Variants in SEMA4A observed in about 807,000 individuals in gnomAD.
SEMA4A encodes semaphorin 4A.
A neutral mutation model predicts 72.5 loss-of-function variants in SEMA4A; 52 were observed. The observed-to-expected ratio is 0.72, with a 90% CI of 0.57 to 0.90. The LOEUF is 0.90. Ranked by LOEUF, SEMA4A falls within the 40% of genes least tolerant of loss-of-function variation. The pLI is 0.00. For synonymous variants in SEMA4A, 369 were observed against 393.1 expected, an observed-to-expected ratio of 0.94 and a Z score of 0.73; for missense variants, 926 against 959.7, an observed-to-expected ratio of 0.96 and a Z score of 0.46.
At chr1:156,170,368 G>A (rs935009304) in intron 10 of SEMA4A, among the ~76,000 whole-genome samples, 1 of 148,224 alleles carries the variant, frequency 6.7e-6, no homozygotes, top group Admixed American at 6.8e-5. Context: ...GGAGGCTGAG[G>A]CAGGAGAATC....
At position 156,176,495 on chromosome 1, in the gene SEMA4A, C is replaced by T. The variant is rs1572432531; in HGVS notation, c.1784C>T (p.Pro595Leu). 3.7e-6 allele frequency: 6 copies of T among 1,614,162 alleles called. No homozygotes were observed. Among genetic ancestry groups the T allele is most frequent in the Non-Finnish European group, 5.1e-6 (6 of 1,180,036 alleles). ...GCCTCTTATTATTGGAGTCATGGCC[C>T]AGCAGCAGTCCCAGAAGCCTCTTCC... ...ALASYYWSHG[P>L]AAVPEASSTV... The change falls in exon 15 of 15, where the codon CCA (proline) becomes CTA (leucine). Residue 595 changes from proline (P) to leucine (L), a missense_variant. Transcript: ENST00000368285.
intron 10 of SEMA4A, 180 bp downstream of exon 10, chr1:156,163,274 A>C: frequency 1.5e-6 from 1 of 671,562 alleles, no homozygotes; most frequent in Non-Finnish European, 2.6e-6. Context: ...GCACCCTTTT[A>C]TACACGGAGC....
chr1:156,172,187 G>A (rs755986856), intron 10 of SEMA4A, among the ~76,000 whole-genome samples: 1 of 151,630 alleles, frequency 6.6e-6, no homozygotes, highest in Non-Finnish European at 1.5e-5. Flanking sequence ...GCACAATCTC[G>A]GCTCACTGCA....
In SEMA4A at chr1:156,176,973, C is replaced by CT. The variant is rs1655413445; in HGVS notation, c.2263dup (p.Cys755LeufsTer5). The CT allele has an allele frequency of 1.2e-6, 2 of 1,611,790 alleles. No homozygotes were observed. The highest frequency in any genetic ancestry group is 1.7e-6 in the Non-Finnish European group (2 of 1,180,034). The stretch of plus-strand genomic sequence containing the variant: ...CCAGTGATGTGGACGCTGACAACAA[C>CT]TGCCTAGGCACTGAGGTAGCTTAAA... On this transcript the variant is annotated frameshift_variant, in exon 15 of 15. Coordinates refer to ENST00000368285, the MANE Select transcript of SEMA4A (RefSeq NM_022367.4). LOFTEE classifies it high-confidence loss of function.
At chr1:156,173,247 T>C (rs558236175) in intron 11 of SEMA4A, among the ~76,000 whole-genome samples, 1 of 152,320 alleles carries the variant, frequency 6.6e-6, no homozygotes, top group South Asian at 2.1e-4. Flanking sequence ...TTGGTGGCTT[T>C]ATCAAGAGCT....
chr1:156,147,856 C>A (rs1652223598), upstream of SEMA4A, among the ~76,000 whole-genome samples: 1 of 152,214 alleles, frequency 6.6e-6, no homozygotes, highest in Non-Finnish European at 1.5e-5. Context: ...CTCTCCCTCT[C>A]CACCCCACAG....
Position 156,161,426 on chromosome 1 carries a change from G to A in SEMA4A, c.891G>A (p.Gly297=). 1 of 1,610,028 alleles carries A rather than the reference G, an allele frequency of 6.2e-7. No homozygotes were observed. The highest frequency in any genetic ancestry group is 8.5e-7 in the Non-Finnish European group (1 of 1,177,480). ...LKAQLLCTQP[G]QLPFNVIRHA... is the part of the protein sequence containing the mutation. ...CCCAGCTGCTCTGCACCCAGCCGGG[G>A]CAGCTGCCCTTCAACGTCATCCGCC... is the stretch of plus-strand genomic sequence containing the variant. The change falls in exon 9 of 15, where the codon GGG becomes GGA. Residue 297 remains glycine, a synonymous_variant. Transcript: ENST00000368285.
At position 156,177,118 on chromosome 1, in the gene SEMA4A, CTTCT is replaced by C; in HGVS notation, c.*122_*125del. On this transcript the variant is annotated 3_prime_UTR_variant, in exon 15 of 15. Transcript: ENST00000368285. ...GACCACCTTTCTCCCCTGAGAGGAG[CTTCT>C]GCTACTCTGCATCACTGATGACACT... The C allele has an allele frequency of 7.0e-6, 6 of 851,388 alleles. No individual in the cohort carries two copies. The highest frequency in any genetic ancestry group is 1.2e-5 in the Non-Finnish European group (6 of 521,450). The allele number at this position is 851,388 out of a possible 1,614,324, so 52.7% of individuals were successfully genotyped here.
intron 6 of SEMA4A, among the ~76,000 whole-genome samples, chr1:156,159,604 T>C (rs766278585): frequency 6.6e-6 from 1 of 151,896 alleles, no homozygotes; most frequent in Non-Finnish European, 1.5e-5. Flanking sequence ...CTGGGTAGTA[T>C]AGGAGTTATA....
At chr1:156,166,792 G>C (rs1654206200) in intron 10 of SEMA4A, among the ~76,000 whole-genome samples, 1 of 152,034 alleles carries the variant, frequency 6.6e-6, no homozygotes, top group African/African-American at 2.4e-5. Flanking sequence ...AGCCAGGCGT[G>C]GTGGCACACA....
intron 10 of SEMA4A, among the ~76,000 whole-genome samples, chr1:156,172,514 A>C (rs1318284982): frequency 6.6e-6 from 1 of 152,166 alleles, no homozygotes; most frequent in Non-Finnish European, 1.5e-5. Context: ...CAGTAATAAC[A>C]GTTAACATTT....
intron 11 of SEMA4A, 27 bp from the exon 12 acceptor site, chr1:156,174,795 A>G: frequency 1.2e-6 from 2 of 1,614,086 alleles, no homozygotes; most frequent in Non-Finnish European, 1.7e-6. Flanking sequence ...AGATGAGATG[A>G]CTTCCACTCT....
rs759873340 is a variant in SEMA4A at position 156,176,724 on chromosome 1, G to A, written c.2013G>A (p.Gly671=). 16 of 1,613,158 alleles carry A rather than the reference G, an allele frequency of 9.9e-6. 1 individual carries two copies. In the South Asian group the frequency reaches 1.6e-4, roughly 17 times the overall value. Residue 671 remains glycine, a synonymous_variant, in exon 15 of 15, where the codon GGG becomes GGA. Transcript: ENST00000368285. ...VKVPLTRVSG[G]AALAAQQSYW... ...TCCCGTTGACCAGGGTCAGTGGTGGGGCCGCCCTGGCTGCCCAGCAGTCCT... is the reference window on the plus strand; with the variant it reads ...TCCCGTTGACCAGGGTCAGTGGTGGAGCCGCCCTGGCTGCCCAGCAGTCCT...
In SEMA4A at chr1:156,172,961, C is replaced by G; in HGVS notation, c.1270C>G (p.Gln424Glu). 1 of 1,614,092 alleles carries G rather than the reference C, an allele frequency of 6.2e-7. No homozygotes were observed. The highest frequency in any genetic ancestry group is 8.5e-7 in the Non-Finnish European group (1 of 1,179,962). ...TACACGGCTTGCAGTGGAGACAGCCCAGGGCCTTGATGGGCACAGCCATCT... is the reference window on the plus strand; with the variant it reads ...TACACGGCTTGCAGTGGAGACAGCCGAGGGCCTTGATGGGCACAGCCATCT... The part of the protein sequence containing the change: ...EYTRLAVETA[Q>E]GLDGHSHLVM... The change falls in exon 11 of 15, where the codon CAG becomes GAG. Residue 424 changes from glutamine to glutamate, a missense_variant. Transcript: ENST00000368285.
upstream of SEMA4A, among the ~76,000 whole-genome samples, chr1:156,151,839 A>AG (rs1491561733): frequency 1.8e-5 from 2 of 109,820 alleles, no homozygotes; most frequent in Admixed American, 1.6e-4. Flanking sequence ...ACTTCGTCTC[A>AG]AAAAAAAAAA....
In SEMA4A at chr1:156,157,314, G is replaced by T. The variant is rs370735809; in HGVS notation, c.300+740G>T. Among the ~76,000 whole-genome samples the T allele has an allele frequency of 2.6e-5, 4 of 152,130 alleles. No individual in the cohort carries two copies. In the South Asian group the frequency reaches 6.2e-4, roughly 24 times the overall value. On this transcript the variant is annotated intron_variant, in intron 3 of 14. Coordinates refer to ENST00000368285, the MANE Select transcript of SEMA4A (RefSeq NM_022367.4). This position sits in a 1 kb window ranked among gnomAD's most constrained non-coding sequence, Gnocchi z 4.5. Reference sequence around the variant, plus strand: ...CAATTCTGCCTCAGTCTCCTGAGTAGCTGGGATTACAGGCGCCCGCCACTA... The same window carrying T: ...CAATTCTGCCTCAGTCTCCTGAGTATCTGGGATTACAGGCGCCCGCCACTA...
upstream of SEMA4A, among the ~76,000 whole-genome samples, chr1:156,148,706 G>A (rs1267379035): frequency 6.6e-6 from 1 of 152,124 alleles, no homozygotes; most frequent in Non-Finnish European, 1.5e-5. Flanking sequence ...AACCAAGCCT[G>A]GGATCTAGGG....
In SEMA4A at chr1:156,170,549, C is replaced by T. The variant is rs536859337; in HGVS notation, c.1135-2277C>T. ...AGGTGGGCAGATCATGAGGTCAGATCGAGACCATCCTGGCTAACATGGTGA... is the reference window on the plus strand; with the variant it reads ...AGGTGGGCAGATCATGAGGTCAGATTGAGACCATCCTGGCTAACATGGTGA... On this transcript the variant is annotated intron_variant, in intron 10 of 14. Transcript: ENST00000368285. Among the ~76,000 whole-genome samples, 15 of 142,828 alleles carry T rather than the reference C, an allele frequency of 1.1e-4. No homozygotes were observed. The South Asian group carries it at 2.0e-3, about 19-fold the overall frequency. 93.7% of individuals were successfully genotyped at this position (142,828 alleles called of 152,430 possible).
rs758921192 is a variant in SEMA4A, at chr1:156,160,435, C to A, written c.569-8C>A. 1.9e-6 allele frequency: 3 copies of A among 1,605,576 alleles called. No individual in the cohort carries two copies. The highest frequency in any genetic ancestry group is 2.6e-6 in the Non-Finnish European group (3 of 1,172,536). Reference sequence around the variant, plus strand: ...ATCAGTTCTCTCTTCTCCTCTCCTCCACCCTAGATGGGATGCTCTATTCTG... The same window carrying A: ...ATCAGTTCTCTCTTCTCCTCTCCTCAACCCTAGATGGGATGCTCTATTCTG... On this transcript the variant is annotated splice_polypyrimidine_tract_variant and splice_region_variant and intron_variant, in intron 6 of 14. Transcript: ENST00000368285.
Sources: allele counts gnomAD v4.1 joint callset (sites outside exome capture counted in the v4.1 genomes callset), GRCh38; gene constraint gnomAD v4.1.1; non-coding constraint Gnocchi (gnomAD v3.1); transcripts MANE v1.5; gene names NCBI Gene and HGNC (gene_info 2026-07-23, HGNC 2026-07-21).